The following NWD2 variants were observed in gnomAD, a reference collection of about 807,000 sequenced individuals.
NWD2 encodes the protein NACHT and WD repeat domain-containing protein 2.
A neutral mutation model predicts 132.7 loss-of-function variants in NWD2; 37 were observed. That is an observed-to-expected ratio of 0.28 (90% CI 0.21 to 0.37). The LOEUF (loss-of-function observed/expected upper bound fraction) is 0.37. Ranked by LOEUF, NWD2 falls within the 10% of genes least tolerant of loss-of-function variation. The pLI is 1.00. For synonymous variants in NWD2, 705 were observed against 803.0 expected (o/e 0.88, Z 2.06); for missense variants, 1,592 against 2,122.4 (o/e 0.75, Z 4.91).
chr4:37,266,270 G>A (rs1475054306), intron 1 of NWD2, among the ~76,000 whole-genome samples: 1 of 152,098 alleles, frequency 6.6e-6, no homozygotes, highest in Non-Finnish European at 1.5e-5. Flanking sequence ...GTTAACTCAA[G>A]TAATTGAATT....
chr4:37,449,042 G>A lies in NWD2; in HGVS notation c.*1825G>A, dbSNP rs1712716672. Reference sequence around the variant, plus strand: ...GCCAGGGAGGTGGTAGCCCAGAGAAGGCAAACCACATACAGATCACCTGGA... The same window carrying A: ...GCCAGGGAGGTGGTAGCCCAGAGAAAGCAAACCACATACAGATCACCTGGA... On this transcript the variant is annotated 3_prime_UTR_variant, in exon 7 of 7. Coordinates refer to ENST00000309447, the MANE Select transcript of NWD2 (RefSeq NM_001144990.2). The A allele has an allele frequency of 6.6e-6, 1 of 152,174 alleles. No homozygotes were observed. The highest frequency in any genetic ancestry group is 2.1e-4 in the South Asian group (1 of 4,826). The allele number at this position is 152,174 out of a possible 1,614,324, so 9.4% of individuals were successfully genotyped here. A position where few individuals can be genotyped will look rare whatever the true frequency, so the allele number is the denominator to read the frequency against.
chr4:37,435,994 T>C (rs1045480808), intron 5 of NWD2, among the ~76,000 whole-genome samples: 2 of 152,180 alleles, frequency 1.3e-5, no homozygotes, highest in East Asian at 1.9e-4. Context: ...AGGTGTATTG[T>C]TTATGTTTGA....
At chr4:37,426,914 C>T (rs1185190520) in intron 3 of NWD2, among the ~76,000 whole-genome samples, 5 of 152,076 alleles carry the variant, frequency 3.3e-5, no homozygotes, top group African/African-American at 4.8e-5. Context: ...AGTTGAAGAA[C>T]GAACAGTACA....
chr4:37,359,470 A>C (rs1719935840), intron 3 of NWD2, among the ~76,000 whole-genome samples: 1 of 152,114 alleles, frequency 6.6e-6, no homozygotes, highest in Non-Finnish European at 1.5e-5. Context: ...TTTAAGCTCC[A>C]GTTTCCTCGC....
rs145539248 is a variant in NWD2, at chr4:37,319,466, G to A, written c.152-6470G>A. On this transcript the variant is annotated intron_variant, in intron 1 of 6. Coordinates refer to ENST00000309447, the MANE Select transcript of NWD2 (RefSeq NM_001144990.2). The stretch of plus-strand genomic sequence containing the variant: ...TGATAGTTTCTTTTGTTGTGCAGAA[G>A]CTTTTTTATTTAATTGGTCCCACTT... Among the ~76,000 whole-genome samples, 437 of 152,128 alleles carry A rather than the reference G, an allele frequency of 2.9e-3. 2 individuals are homozygous for A. Among genetic ancestry groups the A allele is most frequent in the African/African-American group, 0.01 (416 of 41,552 alleles).
intron 1 of NWD2, among the ~76,000 whole-genome samples, chr4:37,269,689 G>GTTTTGTTT (rs1717830046): frequency 2.0e-5 from 3 of 151,838 alleles, no homozygotes; most frequent in Admixed American, 2.0e-4. Context: ...TCCATAATTT[G>GTTTTGTTT]TTTTGTTTTT....
chr4:37,295,807 C>A (rs1718478540), intron 1 of NWD2, among the ~76,000 whole-genome samples: 1 of 152,162 alleles, frequency 6.6e-6, no homozygotes, highest in African/African-American at 2.4e-5. Flanking sequence ...GACTGTAATT[C>A]ATTACTGTAC....
intron 6 of NWD2, among the ~76,000 whole-genome samples, chr4:37,440,446 G>A (rs1712451225): frequency 6.6e-6 from 1 of 152,150 alleles, no homozygotes; most frequent in African/African-American, 2.4e-5. Flanking sequence ...GGCAGCCTCA[G>A]TCACTCAGCC....
chr4:37,309,251 G>A (rs554371227), intron 1 of NWD2, among the ~76,000 whole-genome samples: 5 of 152,314 alleles, frequency 3.3e-5, no homozygotes, highest in Admixed American at 2.6e-4. Flanking sequence ...TTTGGGGAGT[G>A]CACACGAGCA....
intron 2 of NWD2, among the ~76,000 whole-genome samples, chr4:37,335,302 G>GT (rs1308313942): frequency 7.9e-5 from 1 of 12,642 alleles, no homozygotes; most frequent in Non-Finnish European, 2.8e-4. Context: ...GGGGTGGGCG[G>GT]GGGGGGGGGG....
intron 3 of NWD2, among the ~76,000 whole-genome samples, chr4:37,417,049 T>C (rs1200824674): frequency 2.0e-5 from 3 of 152,170 alleles, no homozygotes; most frequent in African/African-American, 7.2e-5. Flanking sequence ...CTGAAGAACT[T>C]ATTCAATGCC....
intron 1 of NWD2, among the ~76,000 whole-genome samples, chr4:37,300,314 C>T (rs1003661283): frequency 2.0e-4 from 31 of 152,246 alleles, no homozygotes; most frequent in African/African-American, 5.8e-4. Flanking sequence ...AACGCTGTAG[C>T]AATCAATAAA....
intron 2 of NWD2, among the ~76,000 whole-genome samples, chr4:37,336,741 C>G (rs1249250427): frequency 6.6e-6 from 1 of 152,016 alleles, no homozygotes; most frequent in Non-Finnish European, 1.5e-5. Context: ...AAGTTCGAGA[C>G]CAGCCTGGCC....
chr4:37,390,323 T>C (rs567787380), intron 3 of NWD2, among the ~76,000 whole-genome samples: 1 of 152,268 alleles, frequency 6.6e-6, no homozygotes, highest in Non-Finnish European at 1.5e-5. Flanking sequence ...ATAAAATGTT[T>C]TATGAAATTT....
At chr4:37,359,711 T>G (rs764955538) in intron 3 of NWD2, among the ~76,000 whole-genome samples, 20 of 152,222 alleles carry the variant, frequency 1.3e-4, no homozygotes, top group Non-Finnish European at 2.4e-4. Flanking sequence ...CCCAGGGAAT[T>G]GAGTTCCAAA....
intron 3 of NWD2, among the ~76,000 whole-genome samples, chr4:37,377,991 A>C (rs901739168): frequency 6.6e-6 from 1 of 152,200 alleles, no homozygotes. Context: ...GCAAAACAGT[A>C]CGTTGTACCC....
intron 3 of NWD2, among the ~76,000 whole-genome samples, chr4:37,357,653 T>G (rs915680394): frequency 4.6e-5 from 7 of 152,028 alleles, no homozygotes; most frequent in African/African-American, 1.7e-4. Flanking sequence ...AAGATAAAAT[T>G]TTTTGCTTTC....
chr4:37,285,836 G>A (rs1718220361), intron 1 of NWD2, among the ~76,000 whole-genome samples: 1 of 152,118 alleles, frequency 6.6e-6, no homozygotes, highest in South Asian at 2.1e-4. Flanking sequence ...TCATTAAATA[G>A]GGAGTATCAC....
At chr4:37,350,796 T>C (rs1719743772) in intron 2 of NWD2, among the ~76,000 whole-genome samples, 1 of 152,230 alleles carries the variant, frequency 6.6e-6, no homozygotes, top group African/African-American at 2.4e-5. Flanking sequence ...TTTTTGCCCA[T>C]TGAGTATGAT....
Sources: gnomAD v4.1 joint callset for allele counts (sites outside exome capture counted in the v4.1 genomes callset) on GRCh38, gnomAD v4.1.1 for gene constraint, MANE v1.5 for transcripts, NCBI Gene and HGNC (gene_info 2026-07-23, HGNC 2026-07-21) for gene names.